Variants in NR3C2 observed in about 807,000 individuals in gnomAD.
NR3C2 encodes nuclear receptor subfamily 3 group C member 2.
NR3C2 carries 15 observed loss-of-function variants against 86.4 expected under a neutral mutation model. The observed-to-expected ratio is 0.17, with a 90% CI of 0.12 to 0.27. The LOEUF (loss-of-function observed/expected upper bound fraction) is 0.27, where lower values mean the gene tolerates loss of function less well. Ranked by LOEUF, NR3C2 falls within the 10% of genes least tolerant of loss-of-function variation. The pLI is 1.00. For missense variants in NR3C2, 960 were observed against 1,195.6 expected (o/e 0.80, Z 2.91); for synonymous variants, 458 against 450.5 (o/e 1.02, Z -0.21).
chr4:148,090,280 C>T (rs529214343), intron 8 of NR3C2, among the ~76,000 whole-genome samples: 89 of 152,310 alleles, frequency 5.8e-4, no homozygotes, highest in South Asian at 2.9e-3. Context: ...GGAGGAGGTG[C>T]AGTTCAGAGG....
chr4:148,397,975 C>T (rs1747946932), intron 2 of NR3C2, among the ~76,000 whole-genome samples: 1 of 152,270 alleles, frequency 6.6e-6, no homozygotes, highest in East Asian at 1.9e-4. Context: ...CTGGGGGAGA[C>T]CTTCCTTGCC....
chr4:148,278,556 T>G (rs912755131), intron 2 of NR3C2, among the ~76,000 whole-genome samples: 2 of 151,986 alleles, frequency 1.3e-5, no homozygotes, highest in Non-Finnish European at 2.9e-5. Flanking sequence ...TAAACATAAA[T>G]AAATACACGT....
chr4:148,251,095 A>G (rs767202093), intron 3 of NR3C2, among the ~76,000 whole-genome samples: 3 of 152,006 alleles, frequency 2.0e-5, no homozygotes, highest in Non-Finnish European at 4.4e-5. Flanking sequence ...GACTGCAAGC[A>G]TGCACCACCA....
chr4:148,133,925 T>C (rs1441330839), intron 6 of NR3C2, among the ~76,000 whole-genome samples: 1 of 152,246 alleles, frequency 6.6e-6, no homozygotes, highest in African/African-American at 2.4e-5. Context: ...TAAGCACACT[T>C]GCTTTCTATC....
chr4:148,184,815 T>C (rs943347505), intron 4 of NR3C2, among the ~76,000 whole-genome samples: 1 of 152,200 alleles, frequency 6.6e-6, no homozygotes, highest in Non-Finnish European at 1.5e-5. Flanking sequence ...TTGGGCCACA[T>C]CTGCAATGAT....
chr4:148,366,465 C>T (rs983988101), intron 2 of NR3C2, among the ~76,000 whole-genome samples: 20 of 149,810 alleles, frequency 1.3e-4, no homozygotes, highest in East Asian at 1.9e-4. Flanking sequence ...AAAAAGAATA[C>T]TTTTTAAAAA....
At chr4:148,259,383 T>C (rs912094419) in intron 3 of NR3C2, among the ~76,000 whole-genome samples, 2 of 152,152 alleles carry the variant, frequency 1.3e-5, no homozygotes, top group African/African-American at 4.8e-5. Flanking sequence ...GAGTACGATT[T>C]TGGGGCAGAA....
chr4:148,180,671 T>C (rs72653848), intron 4 of NR3C2, among the ~76,000 whole-genome samples: 1 of 152,332 alleles, frequency 6.6e-6, no homozygotes, highest in South Asian at 2.1e-4. Flanking sequence ...GCAAACCTTT[T>C]AGTGTGGTCG....
intron 8 of NR3C2, among the ~76,000 whole-genome samples, chr4:148,103,474 G>A (rs1731634332): frequency 6.6e-6 from 1 of 152,228 alleles, no homozygotes. Context: ...GGGCCACTCA[G>A]TAGCCCTTTC....
At chr4:148,301,853 C>A (rs1421156242) in intron 2 of NR3C2, among the ~76,000 whole-genome samples, 1 of 152,182 alleles carries the variant, frequency 6.6e-6, no homozygotes, top group Admixed American at 6.5e-5. Context: ...AGGGTTACCT[C>A]ACATGTTTAG....
At chr4:148,106,674 C>A (rs1731814115) in intron 8 of NR3C2, among the ~76,000 whole-genome samples, 1 of 152,076 alleles carries the variant, frequency 6.6e-6, no homozygotes, top group Non-Finnish European at 1.5e-5. Flanking sequence ...ATATATAGAC[C>A]AATGGAACAG....
At chr4:148,321,814 G>T (rs1743613110) in intron 2 of NR3C2, among the ~76,000 whole-genome samples, 1 of 152,170 alleles carries the variant, frequency 6.6e-6, no homozygotes, top group Admixed American at 6.6e-5. Flanking sequence ...CACACTGTTG[G>T]GTCTTGACTC....
intron 3 of NR3C2, among the ~76,000 whole-genome samples, chr4:148,217,203 AT>A (rs928051451): frequency 9.2e-5 from 14 of 152,200 alleles, no homozygotes; most frequent in African/African-American, 3.1e-4. Flanking sequence ...TCTGGAAAGT[AT>A]TTAAGTCTCT....
At chr4:148,203,038 C>CT (rs1736808781) in intron 3 of NR3C2, among the ~76,000 whole-genome samples, 1 of 152,000 alleles carries the variant, frequency 6.6e-6, no homozygotes, top group African/African-American at 2.4e-5. Flanking sequence ...GAAATGTTTT[C>CT]TTTTTCATAT....
At position 148,144,475 on chromosome 4, in the gene NR3C2, G is replaced by C. The variant is rs1487997127; in HGVS notation, c.2510+7994C>G. 2.6e-5 allele frequency among the ~76,000 whole-genome samples: 4 copies of C among 152,180 alleles called. No homozygotes were observed. The East Asian group carries it at 7.7e-4, about 29-fold the overall frequency. ...CCCAAAGTGCTGGGATTACAGGTGTGAGGTACCATGCCTGGCTAAAAGCGA... is the reference window on the plus strand; with the variant it reads ...CCCAAAGTGCTGGGATTACAGGTGTCAGGTACCATGCCTGGCTAAAAGCGA... On this transcript the variant is annotated intron_variant, in intron 6 of 8. Coordinates refer to ENST00000358102, the MANE Select transcript of NR3C2 (RefSeq NM_000901.5).
At chr4:148,382,364 A>C (rs1026627230) in intron 2 of NR3C2, among the ~76,000 whole-genome samples, 3 of 152,200 alleles carry the variant, frequency 2.0e-5, no homozygotes, top group Admixed American at 2.0e-4. Context: ...CTTAATATCT[A>C]ATATTAATCA....
intron 2 of NR3C2, among the ~76,000 whole-genome samples, chr4:148,410,818 C>T (rs545176015): frequency 6.6e-6 from 1 of 152,252 alleles, no homozygotes; most frequent in East Asian, 1.9e-4. Context: ...TGCTATAATT[C>T]ATGTGCCCAC....
At position 148,391,242 on chromosome 4, in the gene NR3C2, G is replaced by A. The variant is rs185720323; in HGVS notation, c.1757+43862C>T. 1.1e-3 allele frequency among the ~76,000 whole-genome samples: 162 copies of A among 152,256 alleles called. No individual in the cohort carries two copies. The East Asian group carries it at 0.024, about 22-fold the overall frequency. On this transcript the variant is annotated intron_variant, in intron 2 of 8. Transcript: ENST00000358102. Reference sequence around the variant, plus strand: ...TTTCACAGAACCATGACATGTAACAGTGCTTGAGTAACACAAACGGTTTTC... The same window carrying A: ...TTTCACAGAACCATGACATGTAACAATGCTTGAGTAACACAAACGGTTTTC...
intron 4 of NR3C2, among the ~76,000 whole-genome samples, chr4:148,176,479 T>C (rs1450115035): frequency 1.3e-5 from 2 of 152,116 alleles, no homozygotes; most frequent in East Asian, 1.9e-4. Flanking sequence ...ACCAATGTAG[T>C]GAGGGACACA....
Sources: gnomAD v4.1 joint callset for allele counts (sites outside exome capture counted in the v4.1 genomes callset) on GRCh38, gnomAD v4.1.1 for gene constraint, MANE v1.5 for transcripts, NCBI Gene and HGNC (gene_info 2026-07-23, HGNC 2026-07-21) for gene names.